Variants in DPP10 observed in about 807,000 individuals in gnomAD.
The protein encoded by DPP10 is inactive dipeptidyl peptidase 10.
In DPP10, 33 loss-of-function variants were observed where a neutral mutation model predicts 120.9. That is an observed-to-expected ratio of 0.27 (90% CI 0.21 to 0.37). The LOEUF (loss-of-function observed/expected upper bound fraction) is 0.37. DPP10 is among the 10% of genes least tolerant of loss of function. DPP10 has a pLI of 1.00. For missense variants in DPP10, 816 were observed against 942.8 expected (o/e 0.87, Z 1.76); for synonymous variants, 337 against 326.1 (o/e 1.03, Z -0.36).
intron 1 of DPP10, among the ~76,000 whole-genome samples, chr2:115,185,280 C>T (rs2054357940): frequency 6.7e-6 from 1 of 150,158 alleles, no homozygotes; most frequent in East Asian, 2.0e-4. Context: ...TATACGCATA[C>T]AATATATTAC....
chr2:115,492,300 A>T (rs1575006296), intron 3 of DPP10, among the ~76,000 whole-genome samples: 1 of 152,300 alleles, frequency 6.6e-6, no homozygotes, highest in East Asian at 1.9e-4. Context: ...CTCTTGTCAC[A>T]GAAAGTGAGC....
rs529182799 is a variant in DPP10 at position 115,141,577 on chromosome 2, A to G, written c.61-167662A>G. Among the ~76,000 whole-genome samples the G allele has an allele frequency of 2.0e-5, 3 of 152,354 alleles. No homozygotes were observed. The South Asian group carries it at 6.2e-4, about 32-fold the overall frequency. ...CAAATATTTTGGTATGAGATGGGGT[A>G]CATAAATACTTGTTAATAACTTGTT... is the stretch of plus-strand genomic sequence containing the variant. On this transcript the variant is annotated intron_variant, in intron 1 of 25. Coordinates refer to ENST00000410059, the MANE Select transcript of DPP10 (RefSeq NM_020868.6).
chr2:114,728,056 C>T (rs944212689), intron 1 of DPP10, among the ~76,000 whole-genome samples: 1 of 152,190 alleles, frequency 6.6e-6, no homozygotes, highest in Non-Finnish European at 1.5e-5. Context: ...ATCAGTGTTT[C>T]ATCTTCAGGC....
intron 1 of DPP10, among the ~76,000 whole-genome samples, chr2:115,067,474 G>A (rs940788639): frequency 3.3e-5 from 5 of 150,176 alleles, no homozygotes; most frequent in Non-Finnish European, 7.4e-5. Context: ...GGATGGTTTC[G>A]ATCTCCTGAC....
chr2:114,967,167 A>G (rs1191731828), intron 1 of DPP10, among the ~76,000 whole-genome samples: 1 of 152,192 alleles, frequency 6.6e-6, no homozygotes, highest in Non-Finnish European at 1.5e-5. Context: ...TAGGGGATAT[A>G]AAGTTGAGCC....
intron 5 of DPP10, among the ~76,000 whole-genome samples, chr2:115,578,429 AT>A (rs1163451239): frequency 2.0e-5 from 3 of 151,770 alleles, no homozygotes; most frequent in African/African-American, 7.3e-5. Context: ...CCTAATTGAT[AT>A]TTTCCAGAAA....
At chr2:115,229,854 T>C (rs913703251) in intron 1 of DPP10, among the ~76,000 whole-genome samples, 1 of 151,234 alleles carries the variant, frequency 6.6e-6, no homozygotes, top group Non-Finnish European at 1.5e-5. Context: ...TTTTTTCTTT[T>C]CTTTTCTTTC....
At chr2:115,041,977 T>C (rs902664876) in intron 1 of DPP10, among the ~76,000 whole-genome samples, 7 of 151,850 alleles carry the variant, frequency 4.6e-5, no homozygotes, top group Non-Finnish European at 7.4e-5. Context: ...TCTACTTCCT[T>C]TTCTCAAATT....
intron 1 of DPP10, among the ~76,000 whole-genome samples, chr2:114,726,184 C>G (rs902422232): frequency 5.3e-5 from 8 of 150,498 alleles, no homozygotes; most frequent in Admixed American, 4.7e-4. Flanking sequence ...TGCAGTGAGC[C>G]GAGATTGCAC....
rs866478806 is a variant in DPP10 at position 115,768,369 on chromosome 2, G to A, written c.1186G>A (p.Gly396Arg). The A allele has an allele frequency of 6.2e-7, 1 of 1,613,542 alleles. No individual in the cohort carries two copies. The highest frequency in any genetic ancestry group is 8.5e-7 in the Non-Finnish European group (1 of 1,179,626). ...AGTGCCTGTTAAGCAAGGGGGACGT[G>A]GAGAATTTCACCACGTAGCTATGTT... ...MTVPVKQGGR[G>R]EFHHVAMFLI... Residue 396 changes from glycine to arginine, a missense_variant, in exon 13 of 26, where the codon GGA (glycine) becomes AGA (arginine). Transcript: ENST00000410059.
intron 1 of DPP10, chr2:115,064,612 A>G: frequency 8.1e-7 from 1 of 1,241,490 alleles, no homozygotes; most frequent in Non-Finnish European, 1.1e-6. Context: ...ACTGACGTAG[A>G]TTCTTTGCTT....
At chr2:115,745,009 A>G (rs1677772451) in intron 9 of DPP10, among the ~76,000 whole-genome samples, 1 of 150,208 alleles carries the variant, frequency 6.7e-6, no homozygotes, top group Non-Finnish European at 1.5e-5. Flanking sequence ...TTAATGGCAT[A>G]TTAAGTTTAG....
At chr2:115,756,958 A>G (rs1181125231) in intron 11 of DPP10, among the ~76,000 whole-genome samples, 3 of 152,140 alleles carry the variant, frequency 2.0e-5, no homozygotes, top group Non-Finnish European at 2.9e-5. Context: ...ACCTACTCCC[A>G]TAATAAAGAC....
intron 1 of DPP10, among the ~76,000 whole-genome samples, chr2:114,985,883 C>T (rs185263749): frequency 3.9e-5 from 6 of 152,184 alleles, no homozygotes; most frequent in Non-Finnish European, 8.8e-5. Flanking sequence ...AATCATTATA[C>T]GAGCATAATT....
At chr2:115,205,672 A>T (rs1195660557) in intron 1 of DPP10, among the ~76,000 whole-genome samples, 5 of 152,200 alleles carry the variant, frequency 3.3e-5, no homozygotes, top group South Asian at 2.1e-4. Flanking sequence ...TGTGACACAT[A>T]TACACCATAG....
At chr2:114,732,267 G>A (rs1003461341) in intron 1 of DPP10, among the ~76,000 whole-genome samples, 1 of 152,166 alleles carries the variant, frequency 6.6e-6, no homozygotes. Context: ...CAGGAAACTG[G>A]ACACACGACT....
intron 1 of DPP10, among the ~76,000 whole-genome samples, chr2:115,143,102 A>C (rs116354775): frequency 1.3e-5 from 2 of 152,120 alleles, no homozygotes; most frequent in South Asian, 4.1e-4. Context: ...AGCCTCATTG[A>C]TCTCCCAGCT....
At position 115,709,238 on chromosome 2, in the gene DPP10, C is replaced by T. The variant is rs77908919; in HGVS notation, c.577-18578C>T. On this transcript the variant is annotated intron_variant, in intron 7 of 25. Transcript: ENST00000410059. Reference sequence around the variant, plus strand: ...TAAGTTGAATCTCTGATAGGAAATCCGACTGTCGTTTAGGCAAGACCAAGA... The same window carrying T: ...TAAGTTGAATCTCTGATAGGAAATCTGACTGTCGTTTAGGCAAGACCAAGA... Among the ~76,000 whole-genome samples, 1,336 of 152,032 alleles carry T rather than the reference C, an allele frequency of 8.8e-3. 17 individuals carry two copies. Among genetic ancestry groups the T allele is most frequent in the East Asian group, 0.032 (166 of 5,162 alleles).
rs543182159 is a variant in DPP10, at chr2:115,539,106, C to T, written c.441+13134C>T. ...TACAGGAGGTGGATATATCAGTGTT[C>T]TAAGGGCTTATTGGAAAACACCTGG... On this transcript the variant is annotated intron_variant, in intron 5 of 25. Coordinates refer to ENST00000410059, the MANE Select transcript of DPP10 (RefSeq NM_020868.6). Among the ~76,000 whole-genome samples, 14 of 151,782 alleles carry T rather than the reference C, an allele frequency of 9.2e-5. 1 individual carries two copies. Among genetic ancestry groups the T allele is most frequent in the African/African-American group, 3.4e-4 (14 of 41,420 alleles).
Sources: gnomAD v4.1 joint callset for allele counts (sites outside exome capture counted in the v4.1 genomes callset) on GRCh38, gnomAD v4.1.1 for gene constraint, MANE v1.5 for transcripts, NCBI Gene and HGNC (gene_info 2026-07-23, HGNC 2026-07-21) for gene names.